TBC1D22A: variants seen among roughly 807,000 people sequenced by gnomAD.
The protein encoded by TBC1D22A is putative GTPase activator.
Under a neutral mutation model 60.2 loss-of-function variants are expected in TBC1D22A, and 38 were observed. The observed-to-expected ratio is 0.63, with a 90% confidence interval of 0.49 to 0.83. The LOEUF (loss-of-function observed/expected upper bound fraction) is 0.83. TBC1D22A is among the 40% of genes least tolerant of loss of function. The pLI, the probability that TBC1D22A is intolerant of heterozygous loss-of-function variation, is 0.00. For missense variants in TBC1D22A, 628 were observed against 701.0 expected (o/e 0.90, Z 1.18); for synonymous variants, 302 against 281.7 (o/e 1.07, Z -0.72).
intron 4 of TBC1D22A, among the ~76,000 whole-genome samples, chr22:46,860,386 C>T (rs1602193260): frequency 6.5e-5 from 1 of 15,496 alleles, no homozygotes; most frequent in Non-Finnish European, 1.1e-4. Flanking sequence ...TGCCCCTTCC[C>T]GGGACCAGAA....
intron 8 of TBC1D22A, among the ~76,000 whole-genome samples, chr22:46,973,422 G>A (rs1018200692): frequency 2.0e-4 from 30 of 152,236 alleles, no homozygotes; most frequent in African/African-American, 6.5e-4. Context: ...AGCAGACCCC[G>A]GTCAACACCA....
chr22:46,945,101 C>A (rs1216776469), intron 8 of TBC1D22A, among the ~76,000 whole-genome samples: 1 of 152,208 alleles, frequency 6.6e-6, no homozygotes, highest in East Asian at 1.9e-4. Context: ...GACCTTAGTT[C>A]TTAAAAGTCA....
intron 8 of TBC1D22A, among the ~76,000 whole-genome samples, chr22:46,931,050 A>G (rs62232697): frequency 6.6e-6 from 1 of 152,198 alleles, no homozygotes; most frequent in African/African-American, 2.4e-5. Context: ...CCAGAGTTCT[A>G]GTCCCTCCTG....
At chr22:46,968,005 C>A (rs184814443) in intron 8 of TBC1D22A, among the ~76,000 whole-genome samples, 93 of 152,322 alleles carry the variant, frequency 6.1e-4, no homozygotes, top group South Asian at 3.3e-3. Context: ...TGTCGTCTCA[C>A]AGAGGTGGGG....
At chr22:46,908,455 T>C (rs1304139049) in intron 7 of TBC1D22A, among the ~76,000 whole-genome samples, 1 of 152,170 alleles carries the variant, frequency 6.6e-6, no homozygotes, top group Admixed American at 6.5e-5. Context: ...GCTTGCCACG[T>C]TAAAGGTCAT....
At chr22:47,111,713 C>T in intron 12 of TBC1D22A, 110 bp downstream of exon 12, 3 of 1,002,318 alleles carry the variant, frequency 3.0e-6, no homozygotes, top group Admixed American at 4.8e-5. Context: ...AGAAGCGCTG[C>T]CTGCATTTCG....
chr22:46,913,541 C>T (rs754410615), intron 8 of TBC1D22A: 39 of 1,231,938 alleles, frequency 3.2e-5, no homozygotes, highest in Middle Eastern at 3.3e-4. Flanking sequence ...AGAGCTGCCT[C>T]GGCTCACTCC....
intron 8 of TBC1D22A, among the ~76,000 whole-genome samples, chr22:46,954,242 C>T (rs1230428599): frequency 2.6e-5 from 4 of 152,208 alleles, no homozygotes; most frequent in Non-Finnish European, 5.9e-5. Context: ...TGACTTTGAA[C>T]ATGTCCTTTG....
chr22:47,052,895 C>T (rs549862959), intron 11 of TBC1D22A, among the ~76,000 whole-genome samples: 6 of 152,352 alleles, frequency 3.9e-5, no homozygotes, highest in South Asian at 2.1e-4. Context: ...CTGTGGTACC[C>T]GGTATCCCCG....
intron 11 of TBC1D22A, among the ~76,000 whole-genome samples, chr22:47,062,785 T>G (rs749510079): frequency 6.6e-6 from 1 of 152,158 alleles, no homozygotes; most frequent in Non-Finnish European, 1.5e-5. Flanking sequence ...TGGGGTGACT[T>G]GTTTAATCCA....
chr22:47,108,633 AC>A (rs540083888), intron 11 of TBC1D22A, among the ~76,000 whole-genome samples: 117 of 152,256 alleles, frequency 7.7e-4, no homozygotes, highest in Non-Finnish European at 1.3e-3. Flanking sequence ...TGGTGTTTTC[AC>A]AGCTATATGC....
chr22:47,098,670 CA>C (rs1384772407), intron 11 of TBC1D22A, among the ~76,000 whole-genome samples: 1 of 152,240 alleles, frequency 6.6e-6, no homozygotes, highest in African/African-American at 2.4e-5. Flanking sequence ...CCCCCGACTC[CA>C]TGTGTTAGGC....
chr22:47,013,008 C>T (rs2061798924), intron 10 of TBC1D22A, among the ~76,000 whole-genome samples: 1 of 152,210 alleles, frequency 6.6e-6, no homozygotes, highest in Non-Finnish European at 1.5e-5. Context: ...TACAGCCGAG[C>T]TGGGGTGGAC....
intron 4 of TBC1D22A, among the ~76,000 whole-genome samples, chr22:46,856,535 A>G (rs1320758730): frequency 6.6e-6 from 1 of 152,242 alleles, no homozygotes; most frequent in East Asian, 1.9e-4. Context: ...ATTAAATGCC[A>G]TGCAACATTG....
chr22:46,873,890 G>A (rs1028880871), intron 4 of TBC1D22A, among the ~76,000 whole-genome samples: 4 of 151,854 alleles, frequency 2.6e-5, no homozygotes, highest in African/African-American at 7.3e-5. Flanking sequence ...TCCACCTCCC[G>A]GGTTCACACC....
At chr22:47,141,246 C>G (rs2067074355) in intron 12 of TBC1D22A, among the ~76,000 whole-genome samples, 2 of 152,152 alleles carry the variant, frequency 1.3e-5, no homozygotes, top group Admixed American at 1.3e-4. Context: ...TGCCGGGCCC[C>G]TCCCATGACA....
intron 12 of TBC1D22A, among the ~76,000 whole-genome samples, chr22:47,127,229 C>CTTTT (rs66495419): frequency 9.5e-6 from 1 of 105,510 alleles, no homozygotes; most frequent in African/African-American, 3.3e-5. Context: ...TTCTTTTTCT[C>CTTTT]TTTTTTTTTT....
At chr22:47,150,707 A>C (rs1323815768) in intron 12 of TBC1D22A, among the ~76,000 whole-genome samples, 3 of 152,156 alleles carry the variant, frequency 2.0e-5, no homozygotes, top group Non-Finnish European at 4.4e-5. Context: ...GCTCAAGGCC[A>C]GTACGCGGTC....
chr22:46,924,254 C>T (rs2070918848), intron 8 of TBC1D22A, among the ~76,000 whole-genome samples: 1 of 152,162 alleles, frequency 6.6e-6, no homozygotes, highest in Non-Finnish European at 1.5e-5. Flanking sequence ...GGACGGATAA[C>T]TCGGAGTGAC....
Sources: gnomAD v4.1 joint callset for allele counts (sites outside exome capture counted in the v4.1 genomes callset) on GRCh38, gnomAD v4.1.1 for gene constraint, MANE v1.5 for transcripts, NCBI Gene and HGNC (gene_info 2026-07-23, HGNC 2026-07-21) for gene names.